CELF2: variants seen among roughly 807,000 people sequenced by gnomAD.
CELF2 encodes CUG triplet repeat RNA-binding protein 2.
In CELF2, 8 loss-of-function variants were observed where a neutral mutation model predicts 62.6. The observed-to-expected ratio is 0.13, with a 90% CI of 0.07 to 0.23. The LOEUF (loss-of-function observed/expected upper bound fraction) is 0.23, where lower values mean the gene tolerates loss of function less well. Ranked by LOEUF, CELF2 falls within the 10% of genes least tolerant of loss-of-function variation. The pLI, the probability that CELF2 is intolerant of heterozygous loss-of-function variation, is 1.00. For missense variants in CELF2, 333 were observed against 671.0 expected (o/e 0.50, Z 5.56); for synonymous variants, 258 against 250.0 (o/e 1.03, Z -0.30).
At chr10:11,115,396 G>T (rs1039331244) in intron 1 of CELF2, among the ~76,000 whole-genome samples, 1 of 152,146 alleles carries the variant, frequency 6.6e-6, no homozygotes, top group Non-Finnish European at 1.5e-5. Context: ...GAAGAACAGG[G>T]GTCATTAGGA....
At chr10:10,547,467 C>T in the CELF2 span, among the ~76,000 whole-genome samples, 10 of 152,120 alleles carry the variant, frequency 6.6e-5, no homozygotes, top group African/African-American at 9.7e-5. Context: ...GACAAAAAAG[C>T]AAAGCGCACA....
chr10:11,070,361 C>T (rs527774653), intron 1 of CELF2, among the ~76,000 whole-genome samples: 2 of 152,164 alleles, frequency 1.3e-5, no homozygotes, highest in African/African-American at 2.4e-5. Flanking sequence ...GATCCAGGGA[C>T]CTGTAGACAT....
chr10:11,165,240 C>A lies in CELF2; in HGVS notation c.75-246C>A. ...ACGCCCTGGGTGACAGGCGGCAGGG[C>A]GCTGCCCCGTGCTCCCCCGGCTCTG... On this transcript the variant is annotated intron_variant, in intron 1 of 12. Coordinates refer to ENST00000633077, the MANE Select transcript of CELF2 (RefSeq NM_001326342.2). The surrounding 1 kb of genome is among the most constrained non-coding windows in gnomAD (Gnocchi z 7.4). 3 of 1,344,776 alleles carry A rather than the reference C, an allele frequency of 2.2e-6. No individual in the cohort carries two copies. The highest frequency in any genetic ancestry group is 2.9e-6 in the Non-Finnish European group (3 of 1,046,106). The allele number at this position is 1,344,776 out of a possible 1,614,324, so 83.3% of individuals were successfully genotyped here. A position where few individuals can be genotyped will look rare whatever the true frequency, so the allele number is the denominator to read the frequency against.
the CELF2 span, among the ~76,000 whole-genome samples, chr10:10,695,687 T>A: frequency 6.6e-6 from 1 of 152,190 alleles, no homozygotes; most frequent in East Asian, 1.9e-4. Flanking sequence ...CCCATATTTC[T>A]TGGAGGCTTT....
At chr10:10,557,599 C>T in the CELF2 span, among the ~76,000 whole-genome samples, 4 of 151,872 alleles carry the variant, frequency 2.6e-5, no homozygotes, top group Non-Finnish European at 5.9e-5. Flanking sequence ...ATGGGGATGG[C>T]ATTGAATCTG....
intron 2 of CELF2, among the ~76,000 whole-genome samples, chr10:11,209,013 G>T (rs969082255): frequency 1.3e-5 from 2 of 152,146 alleles, no homozygotes; most frequent in Non-Finnish European, 2.9e-5. Context: ...GGCGTAAAAG[G>T]CTGGAGGAGC....
At chr10:10,525,610 G>T in the CELF2 span, among the ~76,000 whole-genome samples, 1 of 152,140 alleles carries the variant, frequency 6.6e-6, no homozygotes, top group Admixed American at 6.5e-5. Flanking sequence ...TTCTTTGCCT[G>T]GCTTATTTTA....
intron 1 of CELF2, among the ~76,000 whole-genome samples, chr10:10,835,827 A>G (rs1015314158): frequency 6.6e-6 from 1 of 152,354 alleles, no homozygotes; most frequent in South Asian, 2.1e-4. Context: ...AAACAAATGC[A>G]TAATTGTAAG....
the CELF2 span, among the ~76,000 whole-genome samples, chr10:10,475,740 C>A: frequency 3.3e-5 from 5 of 151,958 alleles, no homozygotes; most frequent in South Asian, 2.1e-4. Context: ...TTTGCTCAGG[C>A]CTTCTCTGTA....
the CELF2 span, among the ~76,000 whole-genome samples, chr10:10,664,521 A>G: frequency 6.6e-6 from 1 of 152,252 alleles, no homozygotes; most frequent in South Asian, 2.1e-4. Flanking sequence ...GCAAAGGAAC[A>G]AACAAAAGAG....
the CELF2 span, among the ~76,000 whole-genome samples, chr10:10,620,414 G>A: frequency 4.5e-5 from 6 of 132,322 alleles, no homozygotes; most frequent in South Asian, 1.5e-3. Flanking sequence ...CTGCATCACT[G>A]CACTCCAGCT....
chr10:10,921,216 A>C (rs61260472), intron 2 of CELF2, among the ~76,000 whole-genome samples: 9,950 of 151,764 alleles, frequency 0.066, 1,103 homozygotes, highest in African/African-American at 0.23. Context: ...CGGCCTCCCA[A>C]AATGCTGGGA....
At chr10:10,642,361 T>A in the CELF2 span, among the ~76,000 whole-genome samples, 1 of 152,198 alleles carries the variant, frequency 6.6e-6, no homozygotes, top group Non-Finnish European at 1.5e-5. Flanking sequence ...AAAGCCAGGC[T>A]GGTTAGCTTA....
At chr10:11,045,779 G>A (rs1004874466) in intron 1 of CELF2, among the ~76,000 whole-genome samples, 5 of 152,098 alleles carry the variant, frequency 3.3e-5, no homozygotes, top group Non-Finnish European at 7.4e-5. Context: ...ACTGCTGAAC[G>A]CAATATAACA....
chr10:10,804,012 A>G (rs1478752224), intron 1 of CELF2, among the ~76,000 whole-genome samples: 1 of 152,246 alleles, frequency 6.6e-6, no homozygotes, highest in Non-Finnish European at 1.5e-5. Context: ...TAGTTGAGTA[A>G]TTCTATCTTC....
chr10:10,838,050 C>T (rs1157364861), intron 1 of CELF2, among the ~76,000 whole-genome samples: 1 of 152,160 alleles, frequency 6.6e-6, no homozygotes, highest in Non-Finnish European at 1.5e-5. Context: ...CGATTCCATC[C>T]AGGATGTCAC....
At chr10:10,868,457 T>C (rs112450295) in intron 1 of CELF2, among the ~76,000 whole-genome samples, 293 of 152,348 alleles carry the variant, frequency 1.9e-3, no homozygotes, top group African/African-American at 6.8e-3. Flanking sequence ...AGTTAAAGAT[T>C]TGTGCCAAGA....
intron 1 of CELF2, among the ~76,000 whole-genome samples, chr10:11,052,694 A>G (rs969273310): frequency 6.6e-6 from 1 of 152,234 alleles, no homozygotes; most frequent in Non-Finnish European, 1.5e-5. Flanking sequence ...GTATGATGGT[A>G]TCCTTTACAA....
At chr10:10,499,370 C>T in the CELF2 span, among the ~76,000 whole-genome samples, 1 of 151,880 alleles carries the variant, frequency 6.6e-6, no homozygotes, top group Non-Finnish European at 1.5e-5. Context: ...ATTCTACCAA[C>T]AGAAGACTAT....
Sources: gnomAD v4.1 joint callset for allele counts (sites outside exome capture counted in the v4.1 genomes callset) on GRCh38, gnomAD v4.1.1 for gene constraint, Gnocchi (gnomAD v3.1) non-coding constraint, MANE v1.5 for transcripts, NCBI Gene and HGNC (gene_info 2026-07-23, HGNC 2026-07-21) for gene names.